The following DPF3 variants were observed in gnomAD, a reference collection of about 807,000 sequenced individuals.
The protein encoded by DPF3 is double PHD fingers 3, also known as zinc finger protein DPF3.
In DPF3, 18 loss-of-function variants were observed where a neutral mutation model predicts 56.8. The ratio of observed to expected loss-of-function variants is 0.32; its 90% CI spans 0.22 to 0.47. The LOEUF is 0.47. DPF3 is among the 20% of genes least tolerant of loss of function. The pLI, the probability that DPF3 is intolerant of heterozygous loss-of-function variation, is 1.00. For missense variants in DPF3, 403 were observed against 488.8 expected (o/e 0.82, Z 1.65); for synonymous variants, 188 against 180.2 (o/e 1.04, Z -0.35).
intron 8 of DPF3, among the ~76,000 whole-genome samples, chr14:72,647,535 G>A (rs546962918): frequency 6.6e-6 from 1 of 152,308 alleles, no homozygotes; most frequent in Middle Eastern, 3.4e-3. Context: ...AAAGCATTTA[G>A]ATTATTTCCT....
At chr14:72,795,289 A>ATATATATATAT (rs1179925797) in intron 1 of DPF3, among the ~76,000 whole-genome samples, 130 of 119,176 alleles carry the variant, frequency 1.1e-3, no homozygotes, top group Non-Finnish European at 1.6e-3. Context: ...AAAAAAAAAA[A>ATATATATATAT]AAAAAAATAT....
intron 8 of DPF3, chr14:72,661,443 C>A: frequency 1.0e-6 from 1 of 985,294 alleles, no homozygotes; most frequent in Non-Finnish European, 1.2e-6. Flanking sequence ...TTAGACTATT[C>A]GTGTGTTATT....
In DPF3 at chr14:72,609,112, C is replaced by T. The variant is rs1385948103; in HGVS notation, c.*10185G>A. Among the ~76,000 whole-genome samples the T allele has an allele frequency of 6.6e-6, 1 of 152,202 alleles. No homozygotes were observed. Among genetic ancestry groups the T allele is most frequent in the Non-Finnish European group, 1.5e-5 (1 of 68,046 alleles). ...TTCACTACGTGGGTAGTCAACATTG[C>T]TAACCAATCACAGAACAAGATACTA... On this transcript the variant is annotated 3_prime_UTR_variant, in exon 11 of 11. Coordinates refer to ENST00000556509, the MANE Select transcript of DPF3 (RefSeq NM_001280542.3).
chr14:72,615,166 C>T lies in DPF3; in HGVS notation c.*4131G>A, dbSNP rs1341042235. On this transcript the variant is annotated 3_prime_UTR_variant, in exon 11 of 11. Transcript: ENST00000556509. ...GGGGCTGCTTCTGTCCCAGCACTTC[C>T]ACGACAGGCTAAAAACCAGCCTGGG... Among the ~76,000 whole-genome samples, 2 of 152,154 alleles carry T rather than the reference C, an allele frequency of 1.3e-5. No individual in the cohort carries two copies. The highest frequency in any genetic ancestry group is 2.9e-5 in the Non-Finnish European group (2 of 68,022).
At chr14:72,742,189 G>T (rs61092718) in intron 3 of DPF3, among the ~76,000 whole-genome samples, 5,427 of 152,262 alleles carry the variant, frequency 0.036, 231 homozygotes, top group African/African-American at 0.11. Context: ...CGAAGCTGCC[G>T]GTGCAGGCCT....
intron 1 of DPF3, among the ~76,000 whole-genome samples, chr14:72,838,265 G>A (rs1281956499): frequency 2.0e-5 from 3 of 152,160 alleles, no homozygotes; most frequent in Non-Finnish European, 2.9e-5. Context: ...AGGCCGAGAC[G>A]GGCAGATCAC....
At chr14:72,642,502 T>A (rs1425551552) in intron 8 of DPF3, among the ~76,000 whole-genome samples, 1 of 152,146 alleles carries the variant, frequency 6.6e-6, no homozygotes, top group Non-Finnish European at 1.5e-5. Context: ...TTTCAGTGAA[T>A]CTCCTTTAAA....
chr14:72,640,128 A>C (rs1013778787), intron 8 of DPF3, among the ~76,000 whole-genome samples: 2 of 150,664 alleles, frequency 1.3e-5, no homozygotes, highest in East Asian at 3.9e-4. Context: ...TATAAGGTGC[A>C]TGGTCCACTC....
rs1243120643 is a variant in DPF3 at position 72,615,701 on chromosome 14, A to C, written c.*3596T>G. On this transcript the variant is annotated 3_prime_UTR_variant, in exon 11 of 11. Transcript: ENST00000556509. ...TACCTCGCCCTGGGGCAGGGACAGG[A>C]GCAGGGGAGCCTTGGGACCTGCTGG... 6.6e-6 allele frequency among the ~76,000 whole-genome samples: 1 copy of C among 152,168 alleles called. No individual in the cohort carries two copies. The highest frequency in any genetic ancestry group is 6.5e-5 in the Admixed American group (1 of 15,282).
chr14:72,839,326 C>T (rs963837267), intron 1 of DPF3, among the ~76,000 whole-genome samples: 1 of 152,030 alleles, frequency 6.6e-6, no homozygotes, highest in Non-Finnish European at 1.5e-5. Flanking sequence ...AACTTGCAAA[C>T]CTATGAATTT....
chr14:72,654,251 C>T (rs1886004189), intron 8 of DPF3, among the ~76,000 whole-genome samples: 1 of 152,048 alleles, frequency 6.6e-6, no homozygotes, highest in Non-Finnish European at 1.5e-5. Context: ...GGCTCCAAGC[C>T]TCCTGGGCCC....
chr14:72,704,017 G>A (rs1888298470), intron 6 of DPF3, among the ~76,000 whole-genome samples: 1 of 152,146 alleles, frequency 6.6e-6, no homozygotes, highest in South Asian at 2.1e-4. Flanking sequence ...GAACCCTCTT[G>A]GAAACCCACT....
chr14:72,733,329 T>C (rs1889752942), intron 3 of DPF3, among the ~76,000 whole-genome samples: 1 of 152,068 alleles, frequency 6.6e-6, no homozygotes, highest in African/African-American at 2.4e-5. Context: ...GAGAGTTTAG[T>C]GTAGGGACTA....
intron 2 of DPF3, among the ~76,000 whole-genome samples, chr14:72,767,396 G>C (rs1414854905): frequency 8.5e-5 from 13 of 152,076 alleles, no homozygotes. Flanking sequence ...GTTTCAACGA[G>C]CAATTATGAA....
chr14:72,635,314 G>C (rs746492736), intron 8 of DPF3, among the ~76,000 whole-genome samples: 1 of 152,194 alleles, frequency 6.6e-6, no homozygotes. Flanking sequence ...ACAGCCTACT[G>C]AGCTCAGTAA....
intron 6 of DPF3, among the ~76,000 whole-genome samples, chr14:72,712,144 G>A (rs1044690570): frequency 2.7e-4 from 41 of 152,046 alleles, no homozygotes; most frequent in African/African-American, 9.2e-4. Flanking sequence ...GAAAGCAGCC[G>A]CTGAGACTTC....
chr14:72,639,600 C>T (rs1192641230), intron 8 of DPF3, among the ~76,000 whole-genome samples: 1 of 152,146 alleles, frequency 6.6e-6, no homozygotes, highest in Admixed American at 6.5e-5. Flanking sequence ...TGAAGGAAGG[C>T]CTCAGTGCAG....
intron 7 of DPF3, among the ~76,000 whole-genome samples, chr14:72,681,826 C>T (rs1338861846): frequency 6.6e-6 from 1 of 152,220 alleles, no homozygotes; most frequent in Non-Finnish European, 1.5e-5. Flanking sequence ...GATGGTCACA[C>T]GGCCCCCAAG....
At chr14:72,767,233 T>C (rs1300989318) in intron 2 of DPF3, among the ~76,000 whole-genome samples, 1 of 152,134 alleles carries the variant, frequency 6.6e-6, no homozygotes, top group Non-Finnish European at 1.5e-5. Context: ...TCTCATAACA[T>C]AACAGCCAAA....
Sources: allele counts gnomAD v4.1 joint callset (sites outside exome capture counted in the v4.1 genomes callset), GRCh38; gene constraint gnomAD v4.1.1; transcripts MANE v1.5; gene names NCBI Gene and HGNC (gene_info 2026-07-23, HGNC 2026-07-21).